The following ASPRV1 variants were observed in gnomAD, a reference collection of about 807,000 sequenced individuals.
ASPRV1 encodes the protein retroviral-like aspartic protease 1.
Under a neutral mutation model 11.0 loss-of-function variants are expected in ASPRV1, and 7 were observed. That is an observed-to-expected ratio of 0.64 (90% CI 0.36 to 1.20). The LOEUF (loss-of-function observed/expected upper bound fraction) is 1.20, where lower values mean the gene tolerates loss of function less well. ASPRV1 is among the 50% of genes most tolerant of loss of function. The pLI is 0.02. For synonymous variants in ASPRV1, 136 were observed against 138.4 expected (o/e 0.98, Z 0.12); for missense variants, 299 against 320.0 (o/e 0.93, Z 0.50).
chr2:70,005,431 T>C, the ASPRV1 span, among the ~76,000 whole-genome samples: 5 of 152,210 alleles, frequency 3.3e-5, no homozygotes, highest in Admixed American at 3.3e-4. Context: ...TGTTGTCTTC[T>C]TGACACGCAT....
chr2:70,020,527 G>A, the ASPRV1 span, among the ~76,000 whole-genome samples: 4 of 152,162 alleles, frequency 2.6e-5, no homozygotes, highest in South Asian at 2.1e-4. Flanking sequence ...CAGATCATCC[G>A]AGGTCAGGAG....
At chr2:70,076,692 C>T in the ASPRV1 span, among the ~76,000 whole-genome samples, 1 of 152,212 alleles carries the variant, frequency 6.6e-6, no homozygotes, top group African/African-American at 2.4e-5. Context: ...ACATTAGCCT[C>T]TAGCTTGGCA....
At chr2:69,965,427 A>T (rs1678305138), upstream of ASPRV1, among the ~76,000 whole-genome samples, 1 of 152,052 alleles carries the variant, frequency 6.6e-6, no homozygotes, top group African/African-American at 2.4e-5. Context: ...ACTAACACTA[A>T]CGATAGCTGG....
chr2:70,007,990 C>G, the ASPRV1 span, among the ~76,000 whole-genome samples: 1 of 152,216 alleles, frequency 6.6e-6, no homozygotes, highest in Non-Finnish European at 1.5e-5. Flanking sequence ...TACGCTCCAT[C>G]ACGCCTGGCT....
At chr2:70,019,910 CT>C in the ASPRV1 span, among the ~76,000 whole-genome samples, 2 of 151,754 alleles carry the variant, frequency 1.3e-5, 1 homozygote, top group East Asian at 3.9e-4. Flanking sequence ...ATTAAGTGGT[CT>C]TATCACAAAA....
chr2:70,035,778 G>A, the ASPRV1 span, among the ~76,000 whole-genome samples: 8 of 151,546 alleles, frequency 5.3e-5, no homozygotes, highest in African/African-American at 1.9e-4. Context: ...ACTCATTAAA[G>A]TAGCTCCTCT....
the ASPRV1 span, chr2:69,937,505 A>G: frequency 3.4e-5 from 37 of 1,086,160 alleles, no homozygotes; most frequent in South Asian, 4.8e-4. Context: ...GACACTGGGT[A>G]TGATGTAGAG....
chr2:70,035,550 C>A, the ASPRV1 span, among the ~76,000 whole-genome samples: 11 of 151,642 alleles, frequency 7.3e-5, no homozygotes, highest in Non-Finnish European at 1.5e-4. Context: ...CCACCAAGCA[C>A]TGAGGTGCAA....
At chr2:70,011,637 A>G in the ASPRV1 span, 2 of 152,164 alleles carry the variant, frequency 1.3e-5, no homozygotes, top group Admixed American at 6.5e-5. Flanking sequence ...CAGTTTAGAC[A>G]TGCTGACTTT....
At chr2:70,033,121 T>C in the ASPRV1 span, among the ~76,000 whole-genome samples, 1 of 152,160 alleles carries the variant, frequency 6.6e-6, no homozygotes, top group Non-Finnish European at 1.5e-5. Context: ...TCCCAGGAGC[T>C]AATGCTCTTC....
the ASPRV1 span, among the ~76,000 whole-genome samples, chr2:70,068,803 G>C: frequency 2.0e-5 from 3 of 151,702 alleles, no homozygotes; most frequent in Non-Finnish European, 2.9e-5. Context: ...AAATTAGCCA[G>C]TCGTGGTGGC....
chr2:69,987,609 G>T, the ASPRV1 span, among the ~76,000 whole-genome samples: 1 of 148,270 alleles, frequency 6.7e-6, no homozygotes, highest in Non-Finnish European at 1.5e-5. Context: ...AAAAAATTTA[G>T]CCGGGCAGCA....
At chr2:69,959,821 T>C (rs1182669194), downstream of ASPRV1, among the ~76,000 whole-genome samples, 1 of 152,202 alleles carries the variant, frequency 6.6e-6, no homozygotes, top group Non-Finnish European at 1.5e-5. Flanking sequence ...AGGGTCACTT[T>C]TGGGTATAGA....
At chr2:69,934,669 A>G in the ASPRV1 span, among the ~76,000 whole-genome samples, 11 of 152,184 alleles carry the variant, frequency 7.2e-5, no homozygotes, top group African/African-American at 1.4e-4. Flanking sequence ...GTTTTCCTCC[A>G]TCTTTAAGAT....
At chr2:70,045,945 C>A in the ASPRV1 span, 1 of 152,206 alleles carries the variant, frequency 6.6e-6, no homozygotes, top group Non-Finnish European at 1.5e-5. Context: ...AAATGAGAGG[C>A]AGGACGTGTA....
At chr2:69,969,641 C>G in the ASPRV1 span, among the ~76,000 whole-genome samples, 1 of 152,130 alleles carries the variant, frequency 6.6e-6, no homozygotes. Context: ...ACCGCTTACC[C>G]ATCCTCTCCC....
the ASPRV1 span, chr2:70,003,154 T>A: frequency 1.3e-5 from 2 of 152,260 alleles, no homozygotes; most frequent in Non-Finnish European, 2.9e-5. Flanking sequence ...TGTGTGAATG[T>A]GTCTGGTGCT....
chr2:70,071,068 TTG>T, the ASPRV1 span, among the ~76,000 whole-genome samples: 1 of 152,238 alleles, frequency 6.6e-6, no homozygotes, highest in Admixed American at 6.5e-5. Context: ...TCCAGCCATT[TTG>T]TGAGCTCTGA....
At chr2:70,014,796 C>CAAAAAAAAAAAAAA in the ASPRV1 span, among the ~76,000 whole-genome samples, 160 of 73,622 alleles carry the variant, frequency 2.2e-3, no homozygotes, top group Non-Finnish European at 2.9e-3. Flanking sequence ...GACCTTGTCT[C>CAAAAAAAAAAAAAA]AAAAAAAAAA....
Sources: gnomAD v4.1 joint callset for allele counts (sites outside exome capture counted in the v4.1 genomes callset) on GRCh38, gnomAD v4.1.1 for gene constraint, MANE v1.5 for transcripts, NCBI Gene and HGNC (gene_info 2026-07-23, HGNC 2026-07-21) for gene names.